The following TTBK2 variants were observed in gnomAD, a reference collection of about 807,000 sequenced individuals.
TTBK2 encodes the protein tau tubulin kinase 2, also known as tau-tubulin kinase 2.
In TTBK2, 28 loss-of-function variants were observed where a neutral mutation model predicts 110.8. That is an observed-to-expected ratio of 0.25 (90% confidence interval 0.19 to 0.35). TTBK2 has a LOEUF of 0.35. Ranked by LOEUF, TTBK2 falls within the 10% of genes least tolerant of loss-of-function variation. The pLI is 1.00. For synonymous variants in TTBK2, 532 were observed against 527.3 expected (o/e 1.01, Z -0.12); for missense variants, 1,369 against 1,500.3 (o/e 0.91, Z 1.45).
chr15:42,881,040 G>A (rs1243289132), intron 1 of TTBK2, among the ~76,000 whole-genome samples: 2 of 151,956 alleles, frequency 1.3e-5, no homozygotes, highest in East Asian at 1.9e-4. Flanking sequence ...CCAGCACTTT[G>A]GGAGGCCAAG....
At chr15:42,750,966 C>T (rs767876646) in intron 14 of TTBK2, among the ~76,000 whole-genome samples, 4 of 152,108 alleles carry the variant, frequency 2.6e-5, no homozygotes, top group Non-Finnish European at 5.9e-5. Context: ...AACTAAGAAT[C>T]CTATATCTGG....
rs149790962 is a variant in TTBK2 at position 42,771,914 on chromosome 15, G to T, written c.1998+3221C>A. Among the ~76,000 whole-genome samples, 10 of 152,242 alleles carry T rather than the reference G, an allele frequency of 6.6e-5. No individual in the cohort carries two copies. In the East Asian group the frequency reaches 1.9e-3, roughly 29 times the overall value. Reference sequence around the variant, plus strand: ...CTTCATGGATTCTCCCTGTCCTGAGGCTTAGTGCCCTCGGTACGAAAAGAG... The same window carrying T: ...CTTCATGGATTCTCCCTGTCCTGAGTCTTAGTGCCCTCGGTACGAAAAGAG... On this transcript the variant is annotated intron_variant, in intron 13 of 14. Coordinates refer to ENST00000267890, the MANE Select transcript of TTBK2 (RefSeq NM_173500.4).
intron 4 of TTBK2, 146 bp downstream of exon 4, chr15:42,840,214 G>T: frequency 1.3e-6 from 1 of 770,944 alleles, no homozygotes; most frequent in Non-Finnish European, 2.3e-6. Context: ...TCTGTATCAA[G>T]TCTGTTTAAA....
intron 9 of TTBK2, among the ~76,000 whole-genome samples, chr15:42,798,743 G>A (rs189703058): frequency 6.6e-6 from 1 of 152,324 alleles, no homozygotes; most frequent in Admixed American, 6.5e-5. Flanking sequence ...TGCCAGAGGA[G>A]TAACTGGTGA....
At chr15:42,895,582 G>T (rs184410092) in intron 1 of TTBK2, among the ~76,000 whole-genome samples, 2,268 of 149,220 alleles carry the variant, frequency 0.015, 158 homozygotes, top group Admixed American at 0.12. Flanking sequence ...CTGTCACCCA[G>T]ACTGGAGTGC....
At chr15:42,762,874 A>G (rs1197907773) in intron 13 of TTBK2, among the ~76,000 whole-genome samples, 1 of 151,626 alleles carries the variant, frequency 6.6e-6, no homozygotes, top group Non-Finnish European at 1.5e-5. Context: ...AGAAAGACAA[A>G]TACCGCATGT....
At chr15:42,776,954 C>T (rs1212726816) in intron 12 of TTBK2, 77 bp downstream of exon 12, 1 of 1,470,156 alleles carries the variant, frequency 6.8e-7, no homozygotes, top group South Asian at 1.2e-5. Flanking sequence ...CAGAAATATA[C>T]AATAATAATA....
intron 1 of TTBK2, among the ~76,000 whole-genome samples, chr15:42,896,972 G>A (rs575883956): frequency 1.2e-3 from 185 of 151,340 alleles, no homozygotes; most frequent in Non-Finnish European, 1.9e-3. Flanking sequence ...TCCACCTCCC[G>A]AGTTCAAGCG....
intron 9 of TTBK2, 145 bp from the exon 10 acceptor site, chr15:42,794,946 A>G (rs1011236772): frequency 4.0e-5 from 37 of 915,002 alleles, no homozygotes; most frequent in Non-Finnish European, 6.0e-5. Context: ...AAATTTGAAT[A>G]GGAACTATAT....
chr15:42,837,936 G>C (rs960512652), intron 4 of TTBK2, among the ~76,000 whole-genome samples: 1 of 152,058 alleles, frequency 6.6e-6, no homozygotes, highest in Admixed American at 6.5e-5. Flanking sequence ...TGCTGGGCGC[G>C]GTGGCTCACA....
At chr15:42,907,075 T>C (rs751412031) in intron 1 of TTBK2, among the ~76,000 whole-genome samples, 34 of 151,974 alleles carry the variant, frequency 2.2e-4, no homozygotes, top group Non-Finnish European at 4.3e-4. Flanking sequence ...AAAAAATGCT[T>C]AATATCACTA....
chr15:42,897,323 A>AT (rs540248270), intron 1 of TTBK2, among the ~76,000 whole-genome samples: 49 of 152,160 alleles, frequency 3.2e-4, no homozygotes, highest in Non-Finnish European at 4.9e-4. Context: ...ATCTATAATC[A>AT]TTTTTTTTAC....
intron 7 of TTBK2, 143 bp downstream of exon 7, chr15:42,816,889 A>C: frequency 1.6e-4 from 51 of 325,186 alleles, no homozygotes; most frequent in Non-Finnish European, 2.2e-4. Flanking sequence ...ACTGCACTCC[A>C]GCCCGGGCGA....
intron 10 of TTBK2, among the ~76,000 whole-genome samples, chr15:42,790,714 T>TTTG (rs1012670542): frequency 6.6e-6 from 1 of 151,948 alleles, no homozygotes; most frequent in Admixed American, 6.6e-5. Flanking sequence ...TGTTTGTTTG[T>TTTG]TTTGTGACGG....
intron 1 of TTBK2, among the ~76,000 whole-genome samples, chr15:42,899,576 T>A (rs1204977884): frequency 6.6e-6 from 1 of 151,834 alleles, no homozygotes; most frequent in South Asian, 2.1e-4. Context: ...CTGTCTCTAC[T>A]AAAATACAAA....
At chr15:42,804,390 G>C (rs1467666907) in intron 9 of TTBK2, among the ~76,000 whole-genome samples, 1 of 150,726 alleles carries the variant, frequency 6.6e-6, no homozygotes, top group Non-Finnish European at 1.5e-5. Flanking sequence ...GCAGTGAGCT[G>C]AGATCACGCC....
At chr15:42,833,898 C>A (rs934298128) in intron 4 of TTBK2, among the ~76,000 whole-genome samples, 15 of 152,006 alleles carry the variant, frequency 9.9e-5, no homozygotes, top group Non-Finnish European at 1.8e-4. Flanking sequence ...GTAGTCCAGG[C>A]TACTCGGGAG....
At chr15:42,876,252 T>A (rs1218962413) in intron 2 of TTBK2, among the ~76,000 whole-genome samples, 1 of 152,204 alleles carries the variant, frequency 6.6e-6, no homozygotes, top group African/African-American at 2.4e-5. Flanking sequence ...CTTGTCATTT[T>A]TTTTTTAACT....
Position 42,752,547 on chromosome 15 carries a change from A to C in TTBK2, c.2699T>G (p.Leu900Trp). Residue 900 changes from leucine to tryptophan, a missense_variant, in exon 14 of 15, where the codon TTG becomes TGG. Transcript: ENST00000267890. ...PGHQGDLSTFLHQEGKREKIT... is the reference protein window; with the variant it reads ...PGHQGDLSTFWHQEGKREKIT... ...TTTCTCTCTCTTGCCCTCTTGGTGC[A>C]AAAAAGTAGAGAGGTCTCCTTGATG... 6.2e-7 allele frequency: 1 copy of C among 1,614,174 alleles called. No homozygotes were observed. Among genetic ancestry groups the C allele is most frequent in the Non-Finnish European group, 8.5e-7 (1 of 1,180,040 alleles).
Sources: gnomAD v4.1 joint callset for allele counts (sites outside exome capture counted in the v4.1 genomes callset) on GRCh38, gnomAD v4.1.1 for gene constraint, MANE v1.5 for transcripts, NCBI Gene and HGNC (gene_info 2026-07-23, HGNC 2026-07-21) for gene names.